GRM7: variants seen among roughly 807,000 people sequenced by gnomAD.
GRM7 encodes metabotropic glutamate receptor 7.
Under a neutral mutation model 84.5 loss-of-function variants are expected in GRM7, and 35 were observed. That is an observed-to-expected ratio of 0.41 (90% CI 0.32 to 0.55). The LOEUF (loss-of-function observed/expected upper bound fraction) is 0.55, where lower values mean the gene tolerates loss of function less well. Ranked by LOEUF, GRM7 falls within the 20% of genes least tolerant of loss-of-function variation. The pLI is 0.19. For synonymous variants in GRM7, 487 were observed against 455.1 expected, an observed-to-expected ratio of 1.07 and a Z score of -0.89; for missense variants, 1,003 against 1,194.6, an observed-to-expected ratio of 0.84 and a Z score of 2.36.
chr3:7,056,460 C>G (rs1282391906), intron 1 of GRM7, among the ~76,000 whole-genome samples: 1 of 151,988 alleles, frequency 6.6e-6, no homozygotes, highest in Non-Finnish European at 1.5e-5. Flanking sequence ...TCAACAATTT[C>G]ACTGTAAGCT....
chr3:7,599,896 T>C (rs910470569), intron 8 of GRM7, among the ~76,000 whole-genome samples: 14 of 152,140 alleles, frequency 9.2e-5, no homozygotes, highest in African/African-American at 3.1e-4. Context: ...CATAGGCTAT[T>C]GAGGCCCTTT....
chr3:7,028,623 A>G (rs924276476), intron 1 of GRM7, among the ~76,000 whole-genome samples: 2 of 152,192 alleles, frequency 1.3e-5, no homozygotes, highest in Non-Finnish European at 2.9e-5. Flanking sequence ...AGTTAAGGAC[A>G]TAAGTTCCTG....
At chr3:7,087,024 C>A (rs991560209) in intron 1 of GRM7, among the ~76,000 whole-genome samples, 3 of 151,966 alleles carry the variant, frequency 2.0e-5, no homozygotes, top group Non-Finnish European at 2.9e-5. Context: ...GCTATGAGTG[C>A]CAAATAAAAG....
chr3:7,526,215 C>T (rs2124998274), intron 7 of GRM7, among the ~76,000 whole-genome samples: 1 of 152,188 alleles, frequency 6.6e-6, no homozygotes, highest in East Asian at 1.9e-4. Context: ...TATTTTTTGA[C>T]CTTTTAATAA....
chr3:6,904,422 T>G (rs755154213), intron 1 of GRM7, among the ~76,000 whole-genome samples: 1 of 152,170 alleles, frequency 6.6e-6, no homozygotes, highest in South Asian at 2.1e-4. Flanking sequence ...TTTTCTCACC[T>G]GTAAAGTAGG....
intron 4 of GRM7, among the ~76,000 whole-genome samples, chr3:7,379,836 G>A (rs939816697): frequency 6.6e-6 from 1 of 152,116 alleles, no homozygotes; most frequent in Admixed American, 6.6e-5. Flanking sequence ...GTTGCCCAGG[G>A]TGCAGTATTC....
intron 7 of GRM7, among the ~76,000 whole-genome samples, chr3:7,557,486 AG>A (rs760498306): frequency 1.3e-5 from 2 of 152,174 alleles, no homozygotes; most frequent in Non-Finnish European, 2.9e-5. Context: ...GAGGAAGAAA[AG>A]AAAAATAAGT....
At position 7,312,486 on chromosome 3, in the gene GRM7, G is replaced by A. The variant is rs150439236; in HGVS notation, c.1033+5834G>A. 4.0e-3 allele frequency among the ~76,000 whole-genome samples: 616 copies of A among 152,200 alleles called. 5 individuals carry two copies. The highest frequency in any genetic ancestry group is 0.014 in the African/African-American group (578 of 41,532). On this transcript the variant is annotated intron_variant, in intron 4 of 9. Transcript: ENST00000357716. ...AGTGTCCCTGGGGCTTGGTAGGGTC[G>A]AGTGATATTATTCCATTTATTCCTG...
rs530511467 is a variant in GRM7 at position 7,326,162 on chromosome 3, AC to A, written c.1033+19511del. 3.9e-4 allele frequency among the ~76,000 whole-genome samples: 58 copies of A among 147,492 alleles called. No individual in the cohort carries two copies. The South Asian group carries it at 0.012, about 29-fold the overall frequency. ...TAAAGGTATCAACATCTGTTGAACA[AC>A]AGTAGGCAAAAAAAAAAGAAAAAAA... On this transcript the variant is annotated intron_variant, in intron 4 of 9. Coordinates refer to ENST00000357716, the MANE Select transcript of GRM7 (RefSeq NM_000844.4).
chr3:7,452,523 T>C, intron 5 of GRM7, 84 bp from the exon 6 acceptor site: 1 of 927,842 alleles, frequency 1.1e-6, no homozygotes. Flanking sequence ...ATTGAAAGTT[T>C]ACTTTTAAAT....
chr3:7,234,646 T>A (rs1021013528), intron 2 of GRM7, among the ~76,000 whole-genome samples: 1 of 152,212 alleles, frequency 6.6e-6, no homozygotes, highest in Non-Finnish European at 1.5e-5. Context: ...ATAAAAGAGT[T>A]GCATTTTTTC....
chr3:6,969,154 G>C (rs12108160), intron 1 of GRM7, among the ~76,000 whole-genome samples: 9,201 of 151,510 alleles, frequency 0.061, 546 homozygotes, highest in African/African-American at 0.15. Flanking sequence ...TATTTTGCTT[G>C]CTTTTTTTGT....
intron 1 of GRM7, among the ~76,000 whole-genome samples, chr3:6,918,792 T>G (rs1345059137): frequency 6.6e-6 from 1 of 152,102 alleles, no homozygotes; most frequent in Non-Finnish European, 1.5e-5. Context: ...TTCCAGGATG[T>G]AGGCCTGGAG....
intron 4 of GRM7, among the ~76,000 whole-genome samples, chr3:7,359,111 C>CAAA (rs35815945): frequency 6.0e-5 from 5 of 83,080 alleles, no homozygotes; most frequent in African/African-American, 1.9e-4. Context: ...GATTCCATCT[C>CAAA]AAAAAAAAAA....
intron 1 of GRM7, among the ~76,000 whole-genome samples, chr3:6,998,856 T>C (rs995431925): frequency 6.6e-6 from 1 of 152,168 alleles, no homozygotes; most frequent in African/African-American, 2.4e-5. Flanking sequence ...AGCAAGGCCC[T>C]GGGCCCAGGC....
At chr3:7,595,469 T>C (rs1353370621) in intron 8 of GRM7, among the ~76,000 whole-genome samples, 1 of 152,202 alleles carries the variant, frequency 6.6e-6, no homozygotes, top group African/African-American at 2.4e-5. Context: ...AAGTAAACAA[T>C]TCAAATATGA....
At chr3:7,157,906 C>G (rs186468788) in intron 2 of GRM7, among the ~76,000 whole-genome samples, 1 of 152,164 alleles carries the variant, frequency 6.6e-6, no homozygotes, top group African/African-American at 2.4e-5. Flanking sequence ...AGAGCCAGGA[C>G]TCCTTAAGAA....
chr3:6,952,328 C>G (rs1210223783), intron 1 of GRM7, among the ~76,000 whole-genome samples: 1 of 151,674 alleles, frequency 6.6e-6, no homozygotes, highest in Non-Finnish European at 1.5e-5. Context: ...CCTGTGTGCG[C>G]CTATTACCTC....
intron 1 of GRM7, among the ~76,000 whole-genome samples, chr3:6,877,392 A>G (rs465152): frequency 0.45 from 68,905 of 151,966 alleles, 15,966 homozygotes; most frequent in South Asian, 0.51. Context: ...ATAGCTTTGG[A>G]TTTGTTATGA....
Sources: allele counts gnomAD v4.1 joint callset (sites outside exome capture counted in the v4.1 genomes callset), GRCh38; gene constraint gnomAD v4.1.1; transcripts MANE v1.5; gene names NCBI Gene and HGNC (gene_info 2026-07-23, HGNC 2026-07-21).